Variants in RADX observed in about 807,000 individuals in gnomAD.
RADX encodes RPA-related protein RADX.
Under a neutral mutation model 61.6 loss-of-function variants are expected in RADX, and 36 were observed. The ratio of observed to expected loss-of-function variants is 0.58; its 90% CI spans 0.45 to 0.77. The LOEUF (loss-of-function observed/expected upper bound fraction) is 0.77, where lower values mean the gene tolerates loss of function less well. Among genes scored for constraint, RADX ranks in the 30% least tolerant of loss-of-function variants. The pLI is 0.00. For missense variants in RADX, 497 were observed against 651.1 expected, an observed-to-expected ratio of 0.76 and a Z score of 2.58; for synonymous variants, 272 against 237.9, an observed-to-expected ratio of 1.14 and a Z score of -1.32.
chrX:106,650,485 G>A (rs1160852604), intron 11 of RADX, among the ~76,000 whole-genome samples: 1 of 110,790 alleles, frequency 9.0e-6, no homozygotes, highest in Non-Finnish European at 1.9e-5. Context: ...ACTACTGAAA[G>A]GCAGTGTGAT....
chrX:106,677,104 T>G (rs1928531020), intron 13 of RADX, among the ~76,000 whole-genome samples: 1 of 112,030 alleles, frequency 8.9e-6, no homozygotes, highest in South Asian at 3.7e-4. Flanking sequence ...GTGGGAATGC[T>G]CCAAACTGGG....
rs1006540308 is a variant in RADX, at chrX:106,677,913, A to G, written c.2438-215A>G. On this transcript the variant is annotated intron_variant, in intron 13 of 13. Transcript: ENST00000372548. ...TGGCTTTTGAATACCAGTTCATGCC[A>G]TGGCAGTTTTGGTGTATCTGTTTGA... Among the ~76,000 whole-genome samples the G allele has an allele frequency of 5.4e-5, 6 of 110,900 alleles. 1 individual carries two copies. Among genetic ancestry groups the G allele is most frequent in the African/African-American group, 1.3e-4 (4 of 30,481 alleles).
chrX:106,667,229 A>G (rs764476499), intron 12 of RADX, among the ~76,000 whole-genome samples: 1 of 112,139 alleles, frequency 8.9e-6, no homozygotes, highest in South Asian at 3.7e-4. Context: ...GGGAAAAACC[A>G]TTCTAGGCAC....
chrX:106,632,720 C>A lies in RADX; in HGVS notation c.1075C>A (p.Arg359=). ...PEWRLPKLNH[R]FTTRSELDDM... is the part of the protein sequence containing the mutation. ...ATGGAGACTGCCAAAGCTAAATCAC[C>A]GATTTACCACAAGGTAAAATAGTTT... The change falls in exon 4 of 14, where the codon CGA becomes AGA. Residue 359 remains arginine, a synonymous_variant. Transcript: ENST00000372548. 8.8e-7 allele frequency: 1 copy of A among 1,141,971 alleles called. No individual in the cohort carries two copies. Among genetic ancestry groups the A allele is most frequent in the Non-Finnish European group, 1.2e-6 (1 of 836,915 alleles). The allele number at this position is 1,141,971 out of a possible 1,213,427, so 94.1% of individuals were successfully genotyped here.
In RADX at chrX:106,648,330, C is replaced by T. The variant is rs137926336; in HGVS notation, c.1922C>T (p.Pro641Leu). ...CTTTATAGAGTTGCTGTACCTCAAC[C>T]AGGAGCTTCTGTACAAACAAAGGGA... is the stretch of plus-strand genomic sequence containing the variant. ...PHANPVAVPQ[P>L]GASVQTKGIK... Residue 641 changes from proline to leucine, a missense_variant, in exon 11 of 14, where the codon CCA becomes CTA. Pro to Leu is a moderately conservative substitution (Grantham distance 98, BLOSUM62 -3). Transcript: ENST00000372548. 17 of 1,194,327 alleles carry T rather than the reference C, an allele frequency of 1.4e-5. No individual in the cohort carries two copies. The highest frequency in any genetic ancestry group is 1.8e-5 in the Non-Finnish European group (16 of 881,960).
At chrX:106,631,828 AAAAG>A (rs202068377) in intron 3 of RADX, among the ~76,000 whole-genome samples, 1,558 of 110,021 alleles carry the variant, frequency 0.014, 31 homozygotes, top group African/African-American at 0.049. Context: ...AGAAAGAAAG[AAAAG>A]AAAGAAAGAA....
rs890224137 is a variant in RADX, at chrX:106,612,069, A to T, written c.-12A>T. 8.4e-7 allele frequency: 1 copy of T among 1,195,453 alleles called. No individual in the cohort carries two copies. The highest frequency in any genetic ancestry group is 1.7e-5 in the African/African-American group (1 of 57,172). On this transcript the variant is annotated 5_prime_UTR_variant, in exon 1 of 14. Transcript: ENST00000372548. Reference sequence around the variant, plus strand: ...GCTTTTGGGAGTGAAGCGGGTACGCAGTTATCCAACAATGTCTGGTGAGTC... The same window carrying T: ...GCTTTTGGGAGTGAAGCGGGTACGCTGTTATCCAACAATGTCTGGTGAGTC...
intron 1 of RADX, among the ~76,000 whole-genome samples, chrX:106,618,980 G>A (rs750554633): frequency 9.1e-6 from 1 of 110,484 alleles, no homozygotes; most frequent in South Asian, 3.8e-4. Flanking sequence ...GTGAATAATG[G>A]TGTTTGTACC....
chrX:106,625,462 A>G (rs1385574992), intron 3 of RADX, among the ~76,000 whole-genome samples, 180 bp downstream of exon 3: 1 of 111,909 alleles, frequency 8.9e-6, no homozygotes. Context: ...ATACCTATTT[A>G]TTATTTTATT....
intron 6 of RADX, among the ~76,000 whole-genome samples, chrX:106,635,792 T>G (rs1184098765): frequency 8.9e-6 from 1 of 112,032 alleles, no homozygotes; most frequent in Non-Finnish European, 1.9e-5. Context: ...TGAGTTAAAA[T>G]AAAAAATAAT....
At chrX:106,655,746 G>T (rs1296938342) in intron 11 of RADX, among the ~76,000 whole-genome samples, 1 of 111,569 alleles carries the variant, frequency 9.0e-6, no homozygotes, top group Non-Finnish European at 1.9e-5. Context: ...TATCATTGAT[G>T]GACATTTGGG....
In RADX at chrX:106,639,607, A is replaced by G. The variant is rs1201178458; in HGVS notation, c.1654A>G (p.Ile552Val). Residue 552 changes from isoleucine (I) to valine (V), a missense_variant, in exon 9 of 14, where the codon ATT becomes GTT. Physicochemically the swap from Ile to Val is conservative, Grantham distance 29 (BLOSUM62 3). Coordinates refer to ENST00000372548, the MANE Select transcript of RADX (RefSeq NM_018015.6). ...LQYREQKRIAIQGIITAIKYI... is the reference protein window; with the variant it reads ...LQYREQKRIAVQGIITAIKYI... ...GTATAGGGAACAAAAGCGCATTGCA[A>G]TTCAGGGGATAATTACTGCTATAAA... The G allele has an allele frequency of 3.0e-5, 36 of 1,205,410 alleles. No homozygotes were observed. Among genetic ancestry groups the G allele is most frequent in the Non-Finnish European group, 4.0e-5 (36 of 891,549 alleles).
In RADX at chrX:106,633,806, A is replaced by C. The variant is rs182001789; in HGVS notation, c.1303+554A>C. Reference sequence around the variant, plus strand: ...GACTTTCTCCCCTGGATTCATTCAGATATAAAAGTATTTTTTCCACTAGTT... The same window carrying C: ...GACTTTCTCCCCTGGATTCATTCAGCTATAAAAGTATTTTTTCCACTAGTT... On this transcript the variant is annotated intron_variant, in intron 6 of 13. Transcript: ENST00000372548. 6.3e-4 allele frequency among the ~76,000 whole-genome samples: 70 copies of C among 111,857 alleles called. 1 individual carries two copies. Among genetic ancestry groups the C allele is most frequent in the African/African-American group, 1.8e-3 (55 of 30,860 alleles).
Position 106,611,980 on chromosome X carries a change from C to T in RADX, c.-101C>T, listed in dbSNP as rs1417479980. On this transcript the variant is annotated 5_prime_UTR_variant, in exon 1 of 14. Coordinates refer to ENST00000372548, the MANE Select transcript of RADX (RefSeq NM_018015.6). ...GCGGAGTCTTGCCTGTCAGCAGGGG[C>T]AGAGTAGCGATCGTCGCCAAAGCGC... The T allele has an allele frequency of 4.4e-6, 4 of 914,974 alleles. No individual in the cohort carries two copies. Among genetic ancestry groups the T allele is most frequent in the South Asian group, 4.7e-5 (2 of 42,324 alleles). The allele number at this position is 914,974 out of a possible 1,213,427, so 75.4% of individuals were successfully genotyped here.
At chrX:106,617,826 A>G (rs1926848375) in intron 1 of RADX, among the ~76,000 whole-genome samples, 1 of 111,851 alleles carries the variant, frequency 8.9e-6, no homozygotes, top group Non-Finnish European at 1.9e-5. Context: ...CTGCAAAAAA[A>G]TGGATGGGGC....
rs766324220 is a variant in RADX at position 106,643,330 on chromosome X, T to C, written c.1904+2609T>C. On this transcript the variant is annotated intron_variant, in intron 10 of 13. Transcript: ENST00000372548. Reference sequence around the variant, plus strand: ...CTTTGCTGTGCAGAAGCTTTTCACCTTGATGTCAATCTATTTGTCCATTTT... The same window carrying C: ...CTTTGCTGTGCAGAAGCTTTTCACCCTGATGTCAATCTATTTGTCCATTTT... 4.5e-5 allele frequency among the ~76,000 whole-genome samples: 5 copies of C among 111,427 alleles called. No homozygotes were observed. The East Asian group carries it at 1.4e-3, about 31-fold the overall frequency.
intron 9 of RADX, chrX:106,639,994 A>C (rs1010428586): frequency 7.5e-6 from 1 of 133,883 alleles, no homozygotes; most frequent in African/African-American, 3.2e-5. Context: ...CAAGGCCCTC[A>C]AAACTTGGTA....
At chrX:106,648,705 A>C (rs192617327) in intron 11 of RADX, among the ~76,000 whole-genome samples, 6 of 111,439 alleles carry the variant, frequency 5.4e-5, no homozygotes, top group Admixed American at 4.8e-4. Flanking sequence ...AGCTCTTAAA[A>C]GTAAATTGTA....
chrX:106,655,988 C>G (rs1927931027), intron 11 of RADX, among the ~76,000 whole-genome samples: 1 of 112,294 alleles, frequency 8.9e-6, no homozygotes, highest in African/African-American at 3.2e-5. Context: ...GGAAAGATTT[C>G]TCTGTAGCAT....
Sources: allele counts gnomAD v4.1 joint callset (sites outside exome capture counted in the v4.1 genomes callset), GRCh38; gene constraint gnomAD v4.1.1; transcripts MANE v1.5; gene names NCBI Gene and HGNC (gene_info 2026-07-23, HGNC 2026-07-21).